Variants in KIFBP observed in about 807,000 individuals in gnomAD.
The protein encoded by KIFBP is KIF-binding protein.
Under a neutral mutation model 58.9 loss-of-function variants are expected in KIFBP, and 46 were observed. That is an observed-to-expected ratio of 0.78 (90% CI 0.62 to 1.00). KIFBP has a LOEUF of 1.00. Among genes scored for constraint, KIFBP ranks in the 50% least tolerant of loss-of-function variants. The pLI is 0.00. For synonymous variants in KIFBP, 241 were observed against 283.4 expected (o/e 0.85, Z 1.50); for missense variants, 651 against 752.9 (o/e 0.86, Z 1.58).
chr10:69,010,342 G>A (rs1843577894), intron 5 of KIFBP, among the ~76,000 whole-genome samples: 1 of 152,110 alleles, frequency 6.6e-6, no homozygotes, highest in Non-Finnish European at 1.5e-5. Context: ...ACAGATTTTT[G>A]CACAATTATA....
chr10:69,001,789 A>G (rs1439009808), intron 2 of KIFBP, among the ~76,000 whole-genome samples: 2 of 152,102 alleles, frequency 1.3e-5, no homozygotes, highest in Non-Finnish European at 2.9e-5. Context: ...CTTTTATAAC[A>G]TTAAAAAAGT....
intron 1 of KIFBP, among the ~76,000 whole-genome samples, chr10:68,994,969 A>T (rs1405169434): frequency 6.6e-6 from 1 of 151,780 alleles, no homozygotes; most frequent in East Asian, 1.9e-4. Context: ...AACTCCTGGG[A>T]TCATGTGAAC....
At chr10:69,015,384 G>T (rs562172962) in intron 6 of KIFBP, 157 bp from the exon 7 acceptor site, 2 of 617,482 alleles carry the variant, frequency 3.2e-6, no homozygotes, top group Admixed American at 3.2e-5. Flanking sequence ...AAGAAAGAAA[G>T]AAGTTTTCAA....
chr10:69,015,734 T>A lies in KIFBP; in HGVS notation c.1184T>A (p.Leu395His). The A allele has an allele frequency of 6.2e-7, 1 of 1,614,208 alleles. No homozygotes were observed. ...TTAGATTTTGAAGAAGCCAGAGAAC[T>A]TTTCTTATTGGGTCAGCACTATGTC... is the stretch of plus-strand genomic sequence containing the variant. ...RPLDFEEARE[L>H]FLLGQHYVFE... Residue 395 changes from leucine to histidine, a missense_variant, in exon 7 of 7, where the codon CTT (leucine) becomes CAT (histidine). Physicochemically the swap from Leu to His is moderately conservative, Grantham distance 99. Coordinates refer to ENST00000361983, the MANE Select transcript of KIFBP (RefSeq NM_015634.4).
intron 4 of KIFBP, 139 bp from the exon 5 acceptor site, chr10:69,008,702 C>G: frequency 1.4e-6 from 1 of 733,464 alleles, no homozygotes; most frequent in Non-Finnish European, 2.5e-6. Flanking sequence ...TCTGAATGAT[C>G]TGCAACTCTA....
In KIFBP at chr10:68,996,293, G is replaced by C. The variant is rs191364902; in HGVS notation, c.427-4131G>C. Reference sequence around the variant, plus strand: ...AAATAAAGGTGGGCCGGGTGTGGTGGCTGACGCCTGTAATCCCAGCATTTT... The same window carrying C: ...AAATAAAGGTGGGCCGGGTGTGGTGCCTGACGCCTGTAATCCCAGCATTTT... On this transcript the variant is annotated intron_variant, in intron 1 of 6. Coordinates refer to ENST00000361983, the MANE Select transcript of KIFBP (RefSeq NM_015634.4). Among the ~76,000 whole-genome samples the C allele has an allele frequency of 3.2e-3, 487 of 152,238 alleles. 6 individuals carry two copies. The highest frequency in any genetic ancestry group is 0.011 in the African/African-American group (455 of 41,532).
rs747274073 is a variant in KIFBP at position 69,008,942 on chromosome 10, A to G, written c.874+17A>G. 2.5e-6 allele frequency: 4 copies of G among 1,579,544 alleles called. No individual in the cohort carries two copies. The highest frequency in any genetic ancestry group is 4.5e-5 in the East Asian group (2 of 44,628). ...CAGAAGACAGTAAGTTTACCTTTGC[A>G]TGTTTTACATAGCTTTTAAAAAAAG... On this transcript the variant is annotated intron_variant, in intron 5 of 6. Coordinates refer to ENST00000361983, the MANE Select transcript of KIFBP (RefSeq NM_015634.4).
In KIFBP at chr10:69,015,617, A is replaced by G. The variant is rs994920889; in HGVS notation, c.1067A>G (p.Glu356Gly). ...ALRKKELDEE[E>G]SIRKKAVQFG... Reference sequence around the variant, plus strand: ...AGGAAAAAAGAACTAGATGAGGAGGAAAGCATTCGGAAAAAAGCTGTGCAG... The same window carrying G: ...AGGAAAAAAGAACTAGATGAGGAGGGAAGCATTCGGAAAAAAGCTGTGCAG... Residue 356 changes from glutamate to glycine, a missense_variant, in exon 7 of 7, where the codon GAA becomes GGA. Transcript: ENST00000361983. 2 of 1,613,794 alleles carry G rather than the reference A, an allele frequency of 1.2e-6. No individual in the cohort carries two copies. The highest frequency in any genetic ancestry group is 1.7e-6 in the Non-Finnish European group (2 of 1,179,964).
chr10:69,000,447 T>C lies in KIFBP; in HGVS notation c.450T>C (p.Ser150=). 1 of 1,610,740 alleles carries C rather than the reference T, an allele frequency of 6.2e-7. No homozygotes were observed. Among genetic ancestry groups the C allele is most frequent in the Non-Finnish European group, 8.5e-7 (1 of 1,177,054 alleles). ...QAQNNLGILW[S]EREEIETAQA... is the part of the protein sequence containing the mutation. The stretch of plus-strand genomic sequence containing the variant: ...AGAATAACCTGGGTATCTTGTGGTC[T>C]GAAAGAGAAGAAATTGAAACTGCAC... Residue 150 remains serine, a synonymous_variant, in exon 2 of 7, where the codon TCT becomes TCC. Coordinates refer to ENST00000361983, the MANE Select transcript of KIFBP (RefSeq NM_015634.4).
At chr10:68,996,743 C>T (rs1589294199) in intron 1 of KIFBP, among the ~76,000 whole-genome samples, 1 of 151,482 alleles carries the variant, frequency 6.6e-6, no homozygotes, top group East Asian at 1.9e-4. Context: ...ATCCCAGTTA[C>T]CCAGGAGGCT....
intron 6 of KIFBP, among the ~76,000 whole-genome samples, chr10:69,012,941 TCAGGCTTAA>T (rs1843609949): frequency 1.3e-5 from 2 of 152,114 alleles, no homozygotes; most frequent in South Asian, 4.2e-4. Context: ...TCACAGTTCC[TCAGGCTTAA>T]CAGGAAGCAT....
rs1197135936 is a variant in KIFBP at position 69,016,595 on chromosome 10, A to G, written c.*179A>G. 5 of 599,790 alleles carry G rather than the reference A, an allele frequency of 8.3e-6. No homozygotes were observed. The highest frequency in any genetic ancestry group is 5.8e-6 in the Non-Finnish European group (2 of 347,138). 37.2% of individuals were successfully genotyped at this position (599,790 alleles called of 1,614,324 possible). ...GGAACATAAAGTTAATTAAAAACTT[A>G]CACCTAATTATGTAAATTGCCTTGT... On this transcript the variant is annotated 3_prime_UTR_variant, in exon 7 of 7. Coordinates refer to ENST00000361983, the MANE Select transcript of KIFBP (RefSeq NM_015634.4).
intron 1 of KIFBP, among the ~76,000 whole-genome samples, chr10:68,996,441 A>G (rs1843408207): frequency 6.6e-6 from 1 of 151,992 alleles, no homozygotes; most frequent in Non-Finnish European, 1.5e-5. Context: ...GGCGCTTGCA[A>G]TCCCAGCTAC....
At chr10:69,003,042 T>G (rs1275717505) in intron 2 of KIFBP, among the ~76,000 whole-genome samples, 1 of 52,384 alleles carries the variant, frequency 1.9e-5, no homozygotes, top group Non-Finnish European at 3.3e-5. Context: ...AACCCGTCTT[T>G]ACAAAAAAAA....
intron 6 of KIFBP, among the ~76,000 whole-genome samples, chr10:69,011,784 G>T (rs1843596788): frequency 6.9e-6 from 1 of 145,310 alleles, no homozygotes; most frequent in African/African-American, 2.5e-5. Context: ...TCTGCTTCCT[G>T]GGTTCAAAGG....
At chr10:69,002,005 A>T (rs373073005) in intron 2 of KIFBP, among the ~76,000 whole-genome samples, 5 of 152,192 alleles carry the variant, frequency 3.3e-5, no homozygotes, top group African/African-American at 1.2e-4. Context: ...CCTCATCACT[A>T]CAAAAAATTA....
rs1345462361 is a variant in KIFBP, at chr10:69,016,964, C to T, written c.*548C>T. ...CCTTGTTAGAAATAAAATAAACTGA[C>T]TTATTTCACTAATGAAAACTTCTGT... On this transcript the variant is annotated 3_prime_UTR_variant, in exon 7 of 7. Transcript: ENST00000361983. 2.6e-5 allele frequency: 4 copies of T among 152,716 alleles called. No homozygotes were observed. 9.5% of individuals were successfully genotyped at this position (152,716 alleles called of 1,614,324 possible). A position where few individuals can be genotyped will look rare whatever the true frequency, so the allele number is the denominator to read the frequency against.
In KIFBP at chr10:68,988,853, AGAGGTCTGC is replaced by A; in HGVS notation, c.25_33del (p.Val9_Glu11del). On this transcript the variant is annotated inframe_deletion, in exon 1 of 7. Coordinates refer to ENST00000361983, the MANE Select transcript of KIFBP (RefSeq NM_015634.4). ...CCGCTATGGCGAACGTTCCGTGGGC[AGAGGTCTGC>A]GAGAAATTCCAGGCGGCGCTCGCTC... is the stretch of plus-strand genomic sequence containing the variant. 6.2e-7 allele frequency: 1 copy of A among 1,614,276 alleles called. No individual in the cohort carries two copies.
intron 1 of KIFBP, among the ~76,000 whole-genome samples, chr10:68,998,001 C>G (rs1843424968): frequency 6.6e-6 from 1 of 152,036 alleles, no homozygotes; most frequent in Non-Finnish European, 1.5e-5. Flanking sequence ...CCTCCCCAGC[C>G]ATACCTCCTG....
Sources: gnomAD v4.1 joint callset for allele counts (sites outside exome capture counted in the v4.1 genomes callset) on GRCh38, gnomAD v4.1.1 for gene constraint, MANE v1.5 for transcripts, NCBI Gene and HGNC (gene_info 2026-07-23, HGNC 2026-07-21) for gene names.